Variants in SRSF5 observed in about 807,000 individuals in gnomAD.
SRSF5 encodes serine and arginine rich splicing factor 5.
In SRSF5, 5 loss-of-function variants were observed where a neutral mutation model predicts 34.0. That is an observed-to-expected ratio of 0.15 (90% CI 0.08 to 0.31). The LOEUF (loss-of-function observed/expected upper bound fraction) is 0.31. Among genes scored for constraint, SRSF5 ranks in the 10% least tolerant of loss-of-function variants. The pLI, the probability that SRSF5 is intolerant of heterozygous loss-of-function variation, is 1.00. For synonymous variants in SRSF5, 164 were observed against 117.7 expected, an observed-to-expected ratio of 1.39 and a Z score of -2.55; for missense variants, 223 against 351.4, an observed-to-expected ratio of 0.63 and a Z score of 2.92.
Position 69,770,336 on chromosome 14 carries a change from A to G in SRSF5, c.367-131A>G, listed in dbSNP as rs939715481. The G allele has an allele frequency of 3.4e-6, 5 of 1,451,862 alleles. No homozygotes were observed. The African/African-American group carries it at 7.2e-5, about 21-fold the overall frequency. The allele number at this position is 1,451,862 out of a possible 1,614,324, so 89.9% of individuals were successfully genotyped here. The stretch of plus-strand genomic sequence containing the variant: ...AATTTTTGAATTCTGATAGAATACA[A>G]GTGTGGTAAATGCCATGTTTGTACT... On this transcript the variant is annotated intron_variant, in intron 5 of 7. Coordinates refer to ENST00000557154, the MANE Select transcript of SRSF5 (RefSeq NM_001320214.2).
At chr14:69,768,944 C>G (rs370433459) in intron 4 of SRSF5, 48 bp downstream of exon 4, 1 of 1,571,694 alleles carries the variant, frequency 6.4e-7, no homozygotes, top group African/African-American at 1.4e-5. Flanking sequence ...GTAGGGGTAG[C>G]ATTTAAGATT....
Position 69,769,168 on chromosome 14 carries a change from A to G in SRSF5, c.297-14A>G, listed in dbSNP as rs779677491. On this transcript the variant is annotated splice_polypyrimidine_tract_variant and intron_variant, in intron 4 of 7. Transcript: ENST00000557154. ...TGCATTTCTTCCATTGTGAATACGA[A>G]TTTTCTTCCTCAGAAATGCTCCACC... The G allele has an allele frequency of 6.2e-7, 1 of 1,614,118 alleles. No homozygotes were observed. Among genetic ancestry groups the G allele is most frequent in the Non-Finnish European group, 8.5e-7 (1 of 1,180,000 alleles).
intron 5 of SRSF5, chr14:69,769,892 T>C (rs1883002802): frequency 8.6e-7 from 1 of 1,164,500 alleles, no homozygotes; most frequent in Non-Finnish European, 1.1e-6. Flanking sequence ...AATAGTCCGC[T>C]AATAGGGAGG....
At position 69,771,633 on chromosome 14, in the gene SRSF5, T is replaced by G; in HGVS notation, c.*172T>G. The G allele has an allele frequency of 1.4e-6, 1 of 709,122 alleles. No homozygotes were observed. Among genetic ancestry groups the G allele is most frequent in the Admixed American group, 3.1e-5 (1 of 32,600 alleles). The allele number at this position is 709,122 out of a possible 1,614,324, so 43.9% of individuals were successfully genotyped here. A position where few individuals can be genotyped will look rare whatever the true frequency, so the allele number is the denominator to read the frequency against. ...TTGTAGATGTGGACCACCAAGGGGT[T>G]GTTGAAAACTAATTGTATTAAATGT... On this transcript the variant is annotated 3_prime_UTR_variant, in exon 8 of 8. Coordinates refer to ENST00000557154, the MANE Select transcript of SRSF5 (RefSeq NM_001320214.2).
Position 69,768,018 on chromosome 14 carries a change from C to T in SRSF5, c.-19-120C>T. The stretch of plus-strand genomic sequence containing the variant: ...CTGGCCTCATTAGAGGCTCTGTTGG[C>T]AATCTCGTTCATAACATCACTGTGT... On this transcript the variant is annotated intron_variant, in intron 1 of 7. Transcript: ENST00000557154. The T allele has an allele frequency of 3.5e-6, 4 of 1,150,760 alleles. No homozygotes were observed. In the South Asian group the frequency reaches 4.4e-5, roughly 13 times the overall value. The allele number at this position is 1,150,760 out of a possible 1,614,324, so 71.3% of individuals were successfully genotyped here.
Position 69,768,178 on chromosome 14 carries a change from A to G in SRSF5, c.22A>G (p.Ile8Val), listed in dbSNP as rs1034262054. Residue 8 changes from isoleucine (I) to valine (V), a missense_variant, in exon 2 of 8, where the codon ATC becomes GTC. Physicochemically the swap from Ile to Val is conservative, Grantham distance 29 (BLOSUM62 3). This residue lies in a region of SRSF5 where 27 missense variants were observed against 90.7 expected (regional missense o/e 0.30). Coordinates refer to ENST00000557154, the MANE Select transcript of SRSF5 (RefSeq NM_001320214.2). ...CATCATGAGTGGCTGTCGGGTATTC[A>G]TCGGGAGACTAAATCCAGCGGCCAG... The part of the protein sequence containing the change: MSGCRVF[I>V]GRLNPAAREK... 1.2e-6 allele frequency: 2 copies of G among 1,614,086 alleles called. No individual in the cohort carries two copies. The highest frequency in any genetic ancestry group is 1.7e-6 in the Non-Finnish European group (2 of 1,180,044).
At position 69,771,586 on chromosome 14, in the gene SRSF5, G is replaced by T; in HGVS notation, c.*125G>T. 1.0e-6 allele frequency: 1 copy of T among 993,192 alleles called. No homozygotes were observed. The highest frequency in any genetic ancestry group is 1.4e-6 in the Non-Finnish European group (1 of 709,638). The allele number at this position is 993,192 out of a possible 1,614,324, so 61.5% of individuals were successfully genotyped here. The stretch of plus-strand genomic sequence containing the variant: ...CTGTGGGGGTGGGATTTGGAAGGGG[G>T]GTTGGGTTGGGCTGGATATCTTTGT... On this transcript the variant is annotated 3_prime_UTR_variant, in exon 8 of 8. Coordinates refer to ENST00000557154, the MANE Select transcript of SRSF5 (RefSeq NM_001320214.2).
chr14:69,769,338 G>A (rs887197525), intron 5 of SRSF5, 87 bp downstream of exon 5: 53 of 1,553,104 alleles, frequency 3.4e-5, no homozygotes, highest in Non-Finnish European at 4.3e-5. Flanking sequence ...TTTATTAAAA[G>A]TAGTTTTAAA....
chr14:69,767,784 T>C (rs1882697102), intron 1 of SRSF5: 2 of 352,550 alleles, frequency 5.7e-6, no homozygotes, highest in Non-Finnish European at 1.1e-5. Context: ...GAGGCCGCCA[T>C]TGGGCTGGCT....
intron 2 of SRSF5, 139 bp from the exon 3 acceptor site, chr14:69,768,465 T>C: frequency 4.2e-6 from 5 of 1,200,508 alleles, no homozygotes; most frequent in South Asian, 1.4e-5. Flanking sequence ...CCACTCCCAG[T>C]GGCTCCTTGA....
chr14:69,771,584 G>A lies in SRSF5; in HGVS notation c.*123G>A, dbSNP rs1883216026. On this transcript the variant is annotated 3_prime_UTR_variant, in exon 8 of 8. Coordinates refer to ENST00000557154, the MANE Select transcript of SRSF5 (RefSeq NM_001320214.2). The stretch of plus-strand genomic sequence containing the variant: ...TTCTGTGGGGGTGGGATTTGGAAGG[G>A]GGGTTGGGTTGGGCTGGATATCTTT... 4 of 1,050,520 alleles carry A rather than the reference G, an allele frequency of 3.8e-6. No individual in the cohort carries two copies. In the Admixed American group the frequency reaches 1.1e-4, roughly 30 times the overall value. 65.1% of individuals were successfully genotyped at this position (1,050,520 alleles called of 1,614,324 possible).
At chr14:69,767,309 C>T (rs1280254065) in intron 1 of SRSF5, 54 bp downstream of exon 1, 5 of 436,916 alleles carry the variant, frequency 1.1e-5, no homozygotes, top group Non-Finnish European at 2.3e-5. Flanking sequence ...TCTTCATGGC[C>T]GCTCAGATCG....
chr14:69,769,663 G>C (rs1473056541), intron 5 of SRSF5: 1 of 1,517,758 alleles, frequency 6.6e-7, no homozygotes, highest in East Asian at 2.5e-5. Flanking sequence ...CGGTCTAGAC[G>C]TTATCGGTGC....
intron 5 of SRSF5, 45 bp downstream of exon 5, chr14:69,769,296 A>G (rs1882937757): frequency 6.2e-7 from 1 of 1,609,278 alleles, no homozygotes; most frequent in African/African-American, 1.3e-5. Context: ...TGGCTTTTTA[A>G]AAAAGTTAAT....
At chr14:69,770,173 GTTT>G (rs1187398860) in intron 5 of SRSF5, 11 of 1,098,916 alleles carry the variant, frequency 1.0e-5, no homozygotes, top group African/African-American at 9.9e-5. Context: ...CTTTTTTGTT[GTTT>G]TTTTGTTTGT....
In SRSF5 at chr14:69,768,986, C is replaced by T. The variant is rs951658109; in HGVS notation, c.296+90C>T. The stretch of plus-strand genomic sequence containing the variant: ...TCATTAGCAGTGATGATTTTGGGTC[C>T]TGCCGTATAATCTGTTCTTCTATTC... On this transcript the variant is annotated intron_variant, in intron 4 of 7. Transcript: ENST00000557154. The T allele has an allele frequency of 3.5e-5, 50 of 1,412,952 alleles. No homozygotes were observed. In the African/African-American group the frequency reaches 6.1e-4, roughly 17 times the overall value. The allele number at this position is 1,412,952 out of a possible 1,614,324, so 87.5% of individuals were successfully genotyped here.
rs1384030033 is a variant in SRSF5 at position 69,771,563 on chromosome 14, G to T, written c.*102G>T. On this transcript the variant is annotated 3_prime_UTR_variant, in exon 8 of 8. Coordinates refer to ENST00000557154, the MANE Select transcript of SRSF5 (RefSeq NM_001320214.2). ...AATTCTGGTAAGTATGTGCTTTTCTGTGGGGGTGGGATTTGGAAGGGGGGT... is the reference window on the plus strand; with the variant it reads ...AATTCTGGTAAGTATGTGCTTTTCTTTGGGGGTGGGATTTGGAAGGGGGGT... 1 of 1,348,138 alleles carries T rather than the reference G, an allele frequency of 7.4e-7. No individual in the cohort carries two copies. The highest frequency in any genetic ancestry group is 1.5e-5 in the African/African-American group (1 of 67,454). The allele number at this position is 1,348,138 out of a possible 1,614,324, so 83.5% of individuals were successfully genotyped here. A position where few individuals can be genotyped will look rare whatever the true frequency, so the allele number is the denominator to read the frequency against.
At chr14:69,767,666 T>C in intron 1 of SRSF5, 1 of 372,650 alleles carries the variant, frequency 2.7e-6, no homozygotes, top group South Asian at 1.9e-5. Context: ...CTGCCTTTGA[T>C]TCCACCGCCG....
Position 69,771,023 on chromosome 14 carries a change from T to G in SRSF5, c.469T>G (p.Leu157Val), listed in dbSNP as rs773770557. 11 of 1,613,638 alleles carry G rather than the reference T, an allele frequency of 6.8e-6. No homozygotes were observed. The highest frequency in any genetic ancestry group is 1.7e-5 in the Admixed American group (1 of 59,878). ...GVVEFASYGDLKNAIEKLSGK... is the reference protein window; with the variant it reads ...GVVEFASYGDVKNAIEKLSGK... ...GGTTGAGTTTGCCTCTTATGGTGAC[T>G]TAAAGAATGCTATTGAAAAACTTTC... is the stretch of plus-strand genomic sequence containing the variant. Residue 157 changes from leucine (L) to valine (V), a missense_variant, in exon 7 of 8, where the codon TTA becomes GTA. Around this residue, in one of 4 missense-constraint regions of SRSF5, gnomAD observed 37 missense variants for 96.7 expected, o/e 0.38. Coordinates refer to ENST00000557154, the MANE Select transcript of SRSF5 (RefSeq NM_001320214.2).
Sources: gnomAD v4.1 joint callset for allele counts on GRCh38, gnomAD v4.1.1 for gene constraint, gnomAD v4.1.1 regional missense constraint, MANE v1.5 for transcripts, NCBI Gene and HGNC (gene_info 2026-07-23, HGNC 2026-07-21) for gene names.